The following FUT8 variants were observed in gnomAD, a reference collection of about 807,000 sequenced individuals.
FUT8 encodes fucosyltransferase 8, also known as alpha-(1,6)-fucosyltransferase.
In FUT8, 29 loss-of-function variants were observed where a neutral mutation model predicts 71.3. That is an observed-to-expected ratio of 0.41 (90% CI 0.30 to 0.55). The LOEUF is 0.55. Ranked by LOEUF, FUT8 falls within the 20% of genes least tolerant of loss-of-function variation. The pLI, the probability that FUT8 is intolerant of heterozygous loss-of-function variation, is 0.34. For synonymous variants in FUT8, 254 were observed against 239.3 expected (o/e 1.06, Z -0.57); for missense variants, 544 against 702.1 (o/e 0.77, Z 2.55).
rs190485743 is a variant in FUT8 at position 65,418,591 on chromosome 14, T to C, written c.-326+5377T>C. Reference sequence around the variant, plus strand: ...CAGATATAATTTATAGATTCTGTATTGTCTGGGACCTTGGGGCAGTCAGTG... The same window carrying C: ...CAGATATAATTTATAGATTCTGTATCGTCTGGGACCTTGGGGCAGTCAGTG... On this transcript the variant is annotated intron_variant, in intron 1 of 10. Coordinates refer to ENST00000673929, the MANE Select transcript of FUT8 (RefSeq NM_001371533.1). Among the ~76,000 whole-genome samples the C allele has an allele frequency of 2.8e-3, 434 of 152,324 alleles. 3 individuals are homozygous for C. The highest frequency in any genetic ancestry group is 9.9e-3 in the African/African-American group (413 of 41,572).
intron 3 of FUT8, among the ~76,000 whole-genome samples, chr14:65,565,109 A>G (rs1886121124): frequency 6.6e-6 from 1 of 152,038 alleles, no homozygotes. Context: ...GCGTGTATAA[A>G]GAGATCACAT....
At chr14:65,376,466 G>A in the FUT8 span, among the ~76,000 whole-genome samples, 3 of 87,266 alleles carry the variant, frequency 3.4e-5, 1 homozygote. Flanking sequence ...GCTGGAGTGC[G>A]GTGGTGTGAC....
At chr14:65,514,800 C>T (rs1555367202) in intron 2 of FUT8, among the ~76,000 whole-genome samples, 2 of 152,110 alleles carry the variant, frequency 1.3e-5, no homozygotes, top group Non-Finnish European at 2.9e-5. Context: ...TGGTGCGCTG[C>T]ACCCACTAAC....
At chr14:65,464,983 TTTA>T (rs1214412662) in intron 2 of FUT8, among the ~76,000 whole-genome samples, 1 of 152,194 alleles carries the variant, frequency 6.6e-6, no homozygotes, top group Non-Finnish European at 1.5e-5. Context: ...TTATTAATTA[TTTA>T]TTCAGGTTTT....
intron 3 of FUT8, among the ~76,000 whole-genome samples, chr14:65,606,752 A>C (rs1429390700): frequency 6.6e-6 from 1 of 151,828 alleles, no homozygotes; most frequent in East Asian, 1.9e-4. Context: ...CTTATTTTGC[A>C]AAATGAACTA....
intron 6 of FUT8, among the ~76,000 whole-genome samples, chr14:65,654,894 TG>T (rs1891592491): frequency 1.3e-5 from 2 of 150,928 alleles, no homozygotes; most frequent in African/African-American, 2.4e-5. Context: ...GGCAGAATGG[TG>T]TTTTTTTGTT....
chr14:65,653,310 G>T (rs767479155), intron 6 of FUT8, among the ~76,000 whole-genome samples: 56 of 152,206 alleles, frequency 3.7e-4, no homozygotes, highest in African/African-American at 1.3e-3. Context: ...TGACCATCTC[G>T]ATGTCATTCA....
rs2139492784 is a variant in FUT8, at chr14:65,442,503, G to A, written c.-325-13118G>A. Among the ~76,000 whole-genome samples, 3 of 146,300 alleles carry A rather than the reference G, an allele frequency of 2.1e-5. No homozygotes were observed. In the South Asian group the frequency reaches 6.7e-4, roughly 33 times the overall value. On this transcript the variant is annotated intron_variant, in intron 1 of 10. Coordinates refer to ENST00000673929, the MANE Select transcript of FUT8 (RefSeq NM_001371533.1). ...ACATTTGAGGGCACAAACATTTGAG[G>A]TACTGACCATCATAAATACATACAT... is the stretch of plus-strand genomic sequence containing the variant.
the FUT8 span, among the ~76,000 whole-genome samples, chr14:65,383,277 T>C: frequency 1.1e-4 from 15 of 132,552 alleles, no homozygotes; most frequent in African/African-American, 2.5e-4. Context: ...TTTTTTTTTT[T>C]TTTTTTTTTT....
At chr14:65,653,089 A>T (rs950048950) in intron 6 of FUT8, among the ~76,000 whole-genome samples, 4 of 152,300 alleles carry the variant, frequency 2.6e-5, no homozygotes, top group African/African-American at 9.6e-5. Context: ...GTCACATAGC[A>T]TCACTTCTGC....
chr14:65,396,857 T>G, the FUT8 span, among the ~76,000 whole-genome samples: 125 of 152,300 alleles, frequency 8.2e-4, no homozygotes, highest in South Asian at 1.7e-3. The surrounding 1 kb of genome is among the most constrained non-coding windows in gnomAD (Gnocchi z 5.5). Flanking sequence ...TTTTAAGAGA[T>G]GGAGTCTTGC....
At chr14:65,592,722 T>C (rs1887758610) in intron 3 of FUT8, among the ~76,000 whole-genome samples, 1 of 152,178 alleles carries the variant, frequency 6.6e-6, no homozygotes. Flanking sequence ...TAATCCCTAT[T>C]GATCTGCAGT....
rs978328769 is a variant in FUT8, at chr14:65,652,106, ACTT to A, written c.598-17132_598-17130del. Among the ~76,000 whole-genome samples, 3 of 152,160 alleles carry A rather than the reference ACTT, an allele frequency of 2.0e-5. No homozygotes were observed. The highest frequency in any genetic ancestry group is 6.5e-5 in the Admixed American group (1 of 15,280). On this transcript the variant is annotated intron_variant, in intron 6 of 10. Transcript: ENST00000673929. This position sits in a 1 kb window ranked among gnomAD's most constrained non-coding sequence, Gnocchi z 4.0. ...GAAGCCGGGAGAGAGACATGGAACA[ACTT>A]CTTCCTTAGAGCCTCCAGAAGAAGC...
At chr14:65,390,475 A>G in the FUT8 span, among the ~76,000 whole-genome samples, 1 of 151,872 alleles carries the variant, frequency 6.6e-6, no homozygotes. Flanking sequence ...ATAACTTTTG[A>G]ATTTTTTATC....
chr14:65,382,102 T>C, the FUT8 span, among the ~76,000 whole-genome samples: 1 of 152,248 alleles, frequency 6.6e-6, no homozygotes, highest in Non-Finnish European at 1.5e-5. Context: ...GTGATGTGCT[T>C]GTCCACTCCT....
intron 2 of FUT8, among the ~76,000 whole-genome samples, chr14:65,539,705 G>GGCC (rs1166070688): frequency 6.6e-6 from 1 of 152,128 alleles, no homozygotes; most frequent in African/African-American, 2.4e-5. Flanking sequence ...GTTGTTGTGA[G>GGCC]GCCTGAATGA....
intron 7 of FUT8, among the ~76,000 whole-genome samples, chr14:65,702,200 C>T (rs1239702774): frequency 2.6e-5 from 4 of 152,124 alleles, no homozygotes; most frequent in African/African-American, 9.7e-5. Flanking sequence ...GCAAGATTGG[C>T]TGGGCATGGT....
At chr14:65,618,073 A>G (rs1360302433) in intron 5 of FUT8, among the ~76,000 whole-genome samples, 2 of 130,808 alleles carry the variant, frequency 1.5e-5, no homozygotes, top group African/African-American at 5.6e-5. Flanking sequence ...ATATTTATTT[A>G]TTTATTTTTT....
At chr14:65,519,024 T>A (rs1401459259) in intron 2 of FUT8, among the ~76,000 whole-genome samples, 1 of 152,144 alleles carries the variant, frequency 6.6e-6, no homozygotes, top group East Asian at 1.9e-4. Context: ...CACTAAGTAC[T>A]GGAAATACAG....
Sources: allele counts gnomAD v4.1 joint callset (sites outside exome capture counted in the v4.1 genomes callset), GRCh38; gene constraint gnomAD v4.1.1; non-coding constraint Gnocchi (gnomAD v3.1); transcripts MANE v1.5; gene names NCBI Gene and HGNC (gene_info 2026-07-23, HGNC 2026-07-21).